Variants in MGMT observed in about 807,000 individuals in gnomAD.
MGMT encodes the protein methylated-DNA--protein-cysteine methyltransferase.
In MGMT, 14 loss-of-function variants were observed where a neutral mutation model predicts 15.9. That is an observed-to-expected ratio of 0.88 (90% confidence interval 0.58 to 1.37). The LOEUF is 1.37. Ranked by LOEUF, MGMT falls within the 40% of genes most tolerant of loss-of-function variation. The probability of loss-of-function intolerance (pLI) is 0.00; values close to 1 mark genes in which losing one functional copy is unlikely to be tolerated. For synonymous variants in MGMT, 130 were observed against 118.2 expected (o/e 1.10, Z -0.65); for missense variants, 282 against 268.1 (o/e 1.05, Z -0.36).
intron 1 of MGMT, among the ~76,000 whole-genome samples, chr10:129,473,684 A>G (rs185464271): frequency 6.6e-6 from 1 of 152,204 alleles, no homozygotes; most frequent in Non-Finnish European, 1.5e-5. Flanking sequence ...TTATGTAGCT[A>G]ATGTTTTCTG....
rs1010434620 is a variant in MGMT at position 129,475,938 on chromosome 10, A to G, written c.-13+8642A>G. On this transcript the variant is annotated intron_variant, in intron 1 of 4. Transcript: ENST00000651593. Reference sequence around the variant, plus strand: ...ACAGGCTCTTGGAAAGCCACAATCCATGACCATATTCACAGCTGACCAACC... The same window carrying G: ...ACAGGCTCTTGGAAAGCCACAATCCGTGACCATATTCACAGCTGACCAACC... Among the ~76,000 whole-genome samples the G allele has an allele frequency of 2.6e-5, 4 of 152,240 alleles. No individual in the cohort carries two copies. The South Asian group carries it at 6.2e-4, about 24-fold the overall frequency.
At chr10:129,586,478 A>G (rs1846619524) in intron 2 of MGMT, among the ~76,000 whole-genome samples, 1 of 152,156 alleles carries the variant, frequency 6.6e-6, no homozygotes, top group South Asian at 2.1e-4. Context: ...TCGTTTTATG[A>G]ATGGAATTAT....
chr10:129,641,913 A>G (rs1847331828), intron 2 of MGMT, among the ~76,000 whole-genome samples: 1 of 152,242 alleles, frequency 6.6e-6, no homozygotes. Context: ...TGTATGCGGC[A>G]TAGCTAATAT....
chr10:129,533,923 T>C lies in MGMT; in HGVS notation c.-12-2318T>C, dbSNP rs1247683760. 6.6e-6 allele frequency among the ~76,000 whole-genome samples: 1 copy of C among 151,964 alleles called. No homozygotes were observed. The highest frequency in any genetic ancestry group is 1.5e-5 in the Non-Finnish European group (1 of 67,992). ...GGGATGGTGATGATTTGAATGAGAC[T>C]TGGGGGAGTTGGGGCAGCGTACTCC... On this transcript the variant is annotated intron_variant, in intron 1 of 4. Transcript: ENST00000651593. The surrounding 1 kb of genome is among the most constrained non-coding windows in gnomAD (Gnocchi z 4.5).
chr10:129,657,336 A>G (rs1383827786), intron 2 of MGMT, among the ~76,000 whole-genome samples: 1 of 150,150 alleles, frequency 6.7e-6, no homozygotes, highest in Non-Finnish European at 1.5e-5. Context: ...TAGGCCAGAA[A>G]TCTACCAGCT....
At chr10:129,676,276 A>C (rs1459770971) in intron 2 of MGMT, among the ~76,000 whole-genome samples, 1 of 152,126 alleles carries the variant, frequency 6.6e-6, no homozygotes, top group East Asian at 1.9e-4. Flanking sequence ...TTTCCTTGGT[A>C]ATGGGACACT....
intron 2 of MGMT, among the ~76,000 whole-genome samples, chr10:129,636,660 T>C (rs1847268309): frequency 6.6e-6 from 1 of 152,232 alleles, no homozygotes; most frequent in Admixed American, 6.5e-5. Flanking sequence ...GTGAACTCTA[T>C]AGATTGTTTT....
chr10:129,614,231 C>T (rs1488987853), intron 2 of MGMT, among the ~76,000 whole-genome samples: 3 of 152,184 alleles, frequency 2.0e-5, no homozygotes, highest in Admixed American at 2.0e-4. Context: ...AAGGTCCATC[C>T]GTGTTGTAGC....
chr10:129,640,800 C>T (rs1847320143), intron 2 of MGMT, among the ~76,000 whole-genome samples: 1 of 152,174 alleles, frequency 6.6e-6, no homozygotes, highest in South Asian at 2.1e-4. Flanking sequence ...GAATGTAAGA[C>T]TGTTCAGTAT....
chr10:129,728,309 C>T (rs1028532829), intron 3 of MGMT, among the ~76,000 whole-genome samples: 3 of 152,034 alleles, frequency 2.0e-5, no homozygotes, highest in South Asian at 2.1e-4. Flanking sequence ...TGGACGTGAG[C>T]GATGAACCCA....
chr10:129,707,915 C>G lies in MGMT; in HGVS notation c.146C>G (p.Pro49Arg), dbSNP rs1317932653. 5 of 1,611,928 alleles carry G rather than the reference C, an allele frequency of 3.1e-6. No individual in the cohort carries two copies. Among genetic ancestry groups the G allele is most frequent in the Non-Finnish European group, 4.2e-6 (5 of 1,179,984 alleles). Residue 49 changes from proline (P) to arginine (R), a missense_variant, in exon 3 of 5, where the codon CCC (proline) becomes CGC (arginine). Pro to Arg is a moderately radical substitution (Grantham distance 103). Transcript: ENST00000651593. ...SAADAVEVPA[P>R]AAVLGGPEPL... ...TGCAGTGCCGTGGAGGTCCCAGCCCCCGCTGCGGTTCTCGGAGGTCCGGAG... is the reference window on the plus strand; with the variant it reads ...TGCAGTGCCGTGGAGGTCCCAGCCCGCGCTGCGGTTCTCGGAGGTCCGGAG...
intron 2 of MGMT, among the ~76,000 whole-genome samples, chr10:129,602,208 CT>C (rs961720000): frequency 2.8e-4 from 42 of 150,804 alleles, no homozygotes; most frequent in South Asian, 1.7e-3. Flanking sequence ...ATTTTTATTG[CT>C]TTTTTTTTAA....
At chr10:129,715,045 G>A (rs1232479438) in intron 3 of MGMT, among the ~76,000 whole-genome samples, 2 of 152,202 alleles carry the variant, frequency 1.3e-5, no homozygotes, top group African/African-American at 4.8e-5. Flanking sequence ...CCCTCACACA[G>A]AGTAATTTAC....
At chr10:129,731,901 A>G (rs1039614190) in intron 3 of MGMT, among the ~76,000 whole-genome samples, 1 of 152,106 alleles carries the variant, frequency 6.6e-6, no homozygotes, top group Non-Finnish European at 1.5e-5. Flanking sequence ...TCTGCGTTTA[A>G]TCCGTTGTGT....
At chr10:129,647,769 C>T (rs78882351) in intron 2 of MGMT, among the ~76,000 whole-genome samples, 3 of 152,150 alleles carry the variant, frequency 2.0e-5, no homozygotes, top group African/African-American at 4.8e-5. Flanking sequence ...ATGACAATCA[C>T]GTCTTATGGT....
At chr10:129,628,914 C>T (rs1220448548) in intron 2 of MGMT, among the ~76,000 whole-genome samples, 3 of 152,194 alleles carry the variant, frequency 2.0e-5, no homozygotes, top group African/African-American at 7.2e-5. Flanking sequence ...TCCTTGCAAG[C>T]AGCAGCAACA....
chr10:129,563,563 A>C (rs1846304638), intron 2 of MGMT, among the ~76,000 whole-genome samples: 2 of 152,278 alleles, frequency 1.3e-5, no homozygotes, highest in South Asian at 2.1e-4. Flanking sequence ...TTTTTAAAAA[A>C]AATCAAAAGA....
chr10:129,552,571 G>A (rs771613978), intron 2 of MGMT, among the ~76,000 whole-genome samples: 2 of 152,204 alleles, frequency 1.3e-5, no homozygotes, highest in African/African-American at 2.4e-5. Flanking sequence ...TCCCTGTACC[G>A]GTGTCAGTTC....
rs146481437 is a variant in MGMT at position 129,659,634 on chromosome 10, C to G, written c.126-48261C>G. Among the ~76,000 whole-genome samples the G allele has an allele frequency of 3.7e-3, 561 of 152,078 alleles. 2 individuals carry two copies. The highest frequency in any genetic ancestry group is 0.013 in the African/African-American group (530 of 41,438). ...GTGAGGAAGTAGCATGTACAAAGGC[C>G]CTGAAGATGAATGACTGTGTGAAAT... On this transcript the variant is annotated intron_variant, in intron 2 of 4. Transcript: ENST00000651593. This position sits in a 1 kb window ranked among gnomAD's most constrained non-coding sequence, Gnocchi z 4.1.
Sources: allele counts gnomAD v4.1 joint callset (sites outside exome capture counted in the v4.1 genomes callset), GRCh38; gene constraint gnomAD v4.1.1; non-coding constraint Gnocchi (gnomAD v3.1); transcripts MANE v1.5; gene names NCBI Gene and HGNC (gene_info 2026-07-23, HGNC 2026-07-21).